WDR17: variants seen among roughly 807,000 people sequenced by gnomAD.
The protein encoded by WDR17 is WD repeat-containing protein 17.
In WDR17, 143 loss-of-function variants were observed where a neutral mutation model predicts 161.7. The ratio of observed to expected loss-of-function variants is 0.88; its 90% CI spans 0.77 to 1.02. The LOEUF (loss-of-function observed/expected upper bound fraction) is 1.02, where lower values mean the gene tolerates loss of function less well. Among genes scored for constraint, WDR17 ranks in the 50% least tolerant of loss-of-function variants. WDR17 has a pLI of 0.00. For synonymous variants in WDR17, 517 were observed against 515.6 expected, an observed-to-expected ratio of 1.00 and a Z score of -0.04; for missense variants, 1,469 against 1,520.9, an observed-to-expected ratio of 0.97 and a Z score of 0.57.
At chr4:176,177,716 A>G (rs1466561209) in intron 28 of WDR17, 62 bp downstream of exon 28, 9 of 1,498,984 alleles carry the variant, frequency 6.0e-6, no homozygotes, top group African/African-American at 2.9e-5. Context: ...ACTTTTTGAA[A>G]TATCTTAAAA....
intron 26 of WDR17, among the ~76,000 whole-genome samples, chr4:176,176,671 C>T (rs1001443825): frequency 1.3e-5 from 2 of 152,194 alleles, no homozygotes. Flanking sequence ...TCTCAAATCT[C>T]CTTCTCCCGT....
intron 1 of WDR17, among the ~76,000 whole-genome samples, chr4:176,101,962 G>A (rs1206912791): frequency 1.3e-5 from 2 of 152,054 alleles, no homozygotes; most frequent in African/African-American, 4.8e-5. Flanking sequence ...GATGACTGTG[G>A]GTTTGGCTAG....
chr4:176,161,396 C>G (rs1322872795), intron 20 of WDR17, among the ~76,000 whole-genome samples: 2 of 152,022 alleles, frequency 1.3e-5, no homozygotes, highest in Admixed American at 6.6e-5. Context: ...AATCCCATGA[C>G]CCCAGTATTG....
At chr4:176,112,145 C>G (rs1739870192) in intron 2 of WDR17, among the ~76,000 whole-genome samples, 1 of 152,148 alleles carries the variant, frequency 6.6e-6, no homozygotes, top group South Asian at 2.1e-4. Flanking sequence ...AAATCAAAGT[C>G]CAGTGATTCT....
Position 176,116,510 on chromosome 4 carries a change from A to G in WDR17, c.307+531A>G, listed in dbSNP as rs145197738. Among the ~76,000 whole-genome samples the G allele has an allele frequency of 1.9e-3, 287 of 151,942 alleles. 1 individual carries two copies. Among genetic ancestry groups the G allele is most frequent in the South Asian group, 3.9e-3 (19 of 4,826 alleles). ...ACTTAGAATTGGGAACTCGCATTTA[A>G]TCTTATCCCATCATAATGGTAAAGT... On this transcript the variant is annotated intron_variant, in intron 3 of 28. Coordinates refer to ENST00000508596, the MANE Select transcript of WDR17 (RefSeq NM_181265.4).
At chr4:176,157,780 G>A (rs1167295061) in intron 18 of WDR17, among the ~76,000 whole-genome samples, 1 of 152,102 alleles carries the variant, frequency 6.6e-6, no homozygotes, top group East Asian at 1.9e-4. Context: ...CTACTACGTT[G>A]CTTTCTATGT....
At chr4:176,151,399 A>C (rs571833854) in intron 16 of WDR17, among the ~76,000 whole-genome samples, 3 of 152,064 alleles carry the variant, frequency 2.0e-5, no homozygotes, top group Non-Finnish European at 4.4e-5. Flanking sequence ...TCCCACCCCC[A>C]CACACACCCC....
At chr4:176,175,998 C>T (rs1369425068) in intron 26 of WDR17, among the ~76,000 whole-genome samples, 1 of 152,174 alleles carries the variant, frequency 6.6e-6, no homozygotes, top group African/African-American at 2.4e-5. Flanking sequence ...GGAATTAATA[C>T]TATCAGCATG....
At chr4:176,081,048 C>G (rs1436114651) in intron 1 of WDR17, among the ~76,000 whole-genome samples, 1 of 152,078 alleles carries the variant, frequency 6.6e-6, no homozygotes, top group Non-Finnish European at 1.5e-5. Flanking sequence ...AGGCAGAAGT[C>G]TACAAATCTT....
intron 17 of WDR17, among the ~76,000 whole-genome samples, chr4:176,153,622 C>T (rs138782628): frequency 0.015 from 2,295 of 152,288 alleles, 19 homozygotes; most frequent in Non-Finnish European, 0.024. Flanking sequence ...GGACTTATCT[C>T]ATAGCTTATC....
At chr4:176,119,050 A>C (rs1741113611) in intron 3 of WDR17, among the ~76,000 whole-genome samples, 1 of 152,114 alleles carries the variant, frequency 6.6e-6, no homozygotes. Context: ...CCATTTCATG[A>C]TTTTGATGCA....
At chr4:176,105,401 A>G (rs1738548747) in intron 1 of WDR17, among the ~76,000 whole-genome samples, 1 of 152,106 alleles carries the variant, frequency 6.6e-6, no homozygotes, top group Non-Finnish European at 1.5e-5. Flanking sequence ...CACCCTACTC[A>G]GTAACTGCAT....
At chr4:176,106,401 G>T (rs958822136) in intron 1 of WDR17, among the ~76,000 whole-genome samples, 2 of 152,056 alleles carry the variant, frequency 1.3e-5, no homozygotes, top group African/African-American at 4.8e-5. Flanking sequence ...TTAACATATG[G>T]TGCTGGGAAA....
Position 176,128,873 on chromosome 4 carries a change from G to T in WDR17, c.913+13G>T. 1 of 1,547,510 alleles carries T rather than the reference G, an allele frequency of 6.5e-7. No homozygotes were observed. Among genetic ancestry groups the T allele is most frequent in the East Asian group, 2.3e-5 (1 of 43,276 alleles). ...CCAAGAAAAAAGTGTAAGTAAAAAT[G>T]TTATCAAAATTTTAATTTTTAAAAA... is the stretch of plus-strand genomic sequence containing the variant. On this transcript the variant is annotated intron_variant, in intron 6 of 28. Coordinates refer to ENST00000508596, the MANE Select transcript of WDR17 (RefSeq NM_181265.4).
intron 1 of WDR17, among the ~76,000 whole-genome samples, chr4:176,097,722 C>G (rs905333185): frequency 1.1e-4 from 12 of 111,808 alleles, no homozygotes; most frequent in Non-Finnish European, 2.1e-4. Flanking sequence ...GCCCCACTTA[C>G]ACACACACAC....
intron 21 of WDR17, among the ~76,000 whole-genome samples, chr4:176,162,726 A>C (rs1457156728): frequency 6.6e-6 from 1 of 152,208 alleles, no homozygotes; most frequent in Admixed American, 6.5e-5. Flanking sequence ...AATAAGGAAA[A>C]TGTTAATTAA....
chr4:176,081,428 T>C (rs1321481198), intron 1 of WDR17, among the ~76,000 whole-genome samples: 2 of 152,098 alleles, frequency 1.3e-5, no homozygotes, highest in Admixed American at 6.6e-5. Flanking sequence ...CTTTTTTTTA[T>C]ACAGCCTTCT....
intron 12 of WDR17, among the ~76,000 whole-genome samples, chr4:176,147,180 A>G (rs982225932): frequency 4.6e-5 from 7 of 152,134 alleles, no homozygotes; most frequent in Admixed American, 2.0e-4. Context: ...GAAACTTTAT[A>G]TAAAGCAGAA....
Position 176,149,814 on chromosome 4 carries a change from C to G in WDR17, c.1905C>G (p.Thr635=). ...GGTTTTTATTTTCATCAGGTTTAACCTGCCATCCCAGTCGCCCCTTCACTA... is the reference window on the plus strand; with the variant it reads ...GGTTTTTATTTTCATCAGGTTTAACGTGCCATCCCAGTCGCCCCTTCACTA... ...YDHGADVYGL[T]CHPSRPFTMA... Residue 635 remains threonine (T), a synonymous_variant, in exon 14 of 29, where the codon ACC becomes ACG. Transcript: ENST00000508596. The G allele has an allele frequency of 5.0e-6, 8 of 1,612,192 alleles. No homozygotes were observed. Among genetic ancestry groups the G allele is most frequent in the Non-Finnish European group, 6.8e-6 (8 of 1,179,580 alleles).
Sources: gnomAD v4.1 joint callset for allele counts (sites outside exome capture counted in the v4.1 genomes callset) on GRCh38, gnomAD v4.1.1 for gene constraint, MANE v1.5 for transcripts, NCBI Gene and HGNC (gene_info 2026-07-23, HGNC 2026-07-21) for gene names.